The following HS2ST1 variants were observed in gnomAD, a reference collection of about 807,000 sequenced individuals.
The protein encoded by HS2ST1 is heparan sulfate 2-O-sulfotransferase 1.
A neutral mutation model predicts 42.9 loss-of-function variants in HS2ST1; 18 were observed. The observed-to-expected ratio is 0.42, with a 90% confidence interval of 0.29 to 0.62. The LOEUF (loss-of-function observed/expected upper bound fraction) is 0.62, where lower values mean the gene tolerates loss of function less well. HS2ST1 is among the 20% of genes least tolerant of loss of function. The pLI is 0.21. For missense variants in HS2ST1, 334 were observed against 433.8 expected, an observed-to-expected ratio of 0.77 and a Z score of 2.04; for synonymous variants, 146 against 152.9, an observed-to-expected ratio of 0.95 and a Z score of 0.33.
At chr1:86,931,048 T>G (rs1192620175) in intron 1 of HS2ST1, among the ~76,000 whole-genome samples, 2 of 152,018 alleles carry the variant, frequency 1.3e-5, no homozygotes, top group Non-Finnish European at 2.9e-5. Flanking sequence ...GTTACTTAAA[T>G]AAGAATGGTA....
chr1:86,971,310 A>G (rs1648226981), intron 1 of HS2ST1, among the ~76,000 whole-genome samples: 1 of 152,128 alleles, frequency 6.6e-6, no homozygotes, highest in African/African-American at 2.4e-5. Flanking sequence ...AAACAAAACA[A>G]AACAAAAAAA....
chr1:87,064,475 T>C, intron 1 of HS2ST1: 1 of 518,704 alleles, frequency 1.9e-6, no homozygotes, highest in Non-Finnish European at 3.9e-6. Flanking sequence ...CACTGTTAGC[T>C]CTTTTTTATA....
chr1:86,998,266 T>C (rs1444969437), intron 1 of HS2ST1, among the ~76,000 whole-genome samples: 2 of 152,226 alleles, frequency 1.3e-5, no homozygotes, highest in African/African-American at 2.4e-5. Flanking sequence ...GTACATTTAA[T>C]GCATGACCAA....
chr1:87,046,381 G>A, intron 1 of HS2ST1: 1 of 772,840 alleles, frequency 1.3e-6, no homozygotes, highest in Non-Finnish European at 2.4e-6. Flanking sequence ...TCCTGACAGA[G>A]CTGACCCTGA....
Position 87,106,644 on chromosome 1 carries a change from A to G in HS2ST1, c.*1948A>G, listed in dbSNP as rs1438942939. The stretch of plus-strand genomic sequence containing the variant: ...CTTAGCACCCTTTCCTCACAATAAT[A>G]TAAAAATATTAAAAGAACATAGGCA... On this transcript the variant is annotated 3_prime_UTR_variant, in exon 7 of 7. Coordinates refer to ENST00000370550, the MANE Select transcript of HS2ST1 (RefSeq NM_012262.4). 1 of 152,104 alleles carries G rather than the reference A, an allele frequency of 6.6e-6. No homozygotes were observed. The highest frequency in any genetic ancestry group is 1.5e-5 in the Non-Finnish European group (1 of 67,962). The allele number at this position is 152,104 out of a possible 1,614,324, so 9.4% of individuals were successfully genotyped here. A position where few individuals can be genotyped will look rare whatever the true frequency, so the allele number is the denominator to read the frequency against.
intron 1 of HS2ST1, chr1:86,993,023 C>G: frequency 6.4e-7 from 1 of 1,553,314 alleles, no homozygotes; most frequent in Non-Finnish European, 8.7e-7. Context: ...GGGAGGGTAC[C>G]TCTCACAGAA....
intron 1 of HS2ST1, among the ~76,000 whole-genome samples, chr1:87,063,539 G>A (rs891982022): frequency 6.6e-6 from 1 of 152,118 alleles, no homozygotes; most frequent in Non-Finnish European, 1.5e-5. Context: ...GTTTCACTCT[G>A]TTGGCCAGGC....
At chr1:87,011,766 C>T (rs1233904583) in intron 1 of HS2ST1, among the ~76,000 whole-genome samples, 2 of 152,150 alleles carry the variant, frequency 1.3e-5, no homozygotes, top group Non-Finnish European at 2.9e-5. Flanking sequence ...TATTTGGTAG[C>T]ACTACAGTCC....
rs889874090 is a variant in HS2ST1 at position 87,104,957 on chromosome 1, A to G, written c.*261A>G. On this transcript the variant is annotated 3_prime_UTR_variant, in exon 7 of 7. Transcript: ENST00000370550. ...GCCTGGGAGAAAATATACATCACCT[A>G]AAATGAACTTATGGCAGGTCTAATC... 27 of 370,390 alleles carry G rather than the reference A, an allele frequency of 7.3e-5. No homozygotes were observed. The highest frequency in any genetic ancestry group is 1.2e-4 in the Non-Finnish European group (24 of 205,230). 22.9% of individuals were successfully genotyped at this position (370,390 alleles called of 1,614,324 possible).
intron 2 of HS2ST1, among the ~76,000 whole-genome samples, chr1:87,080,906 A>G (rs1651669562): frequency 6.6e-6 from 1 of 152,194 alleles, no homozygotes; most frequent in Non-Finnish European, 1.5e-5. Flanking sequence ...TTAATCTTCC[A>G]TCTCAGCAGT....
chr1:87,081,612 T>G (rs1183529557), intron 2 of HS2ST1, among the ~76,000 whole-genome samples: 1 of 152,154 alleles, frequency 6.6e-6, no homozygotes, highest in Non-Finnish European at 1.5e-5. Flanking sequence ...AACAACCTAG[T>G]GTTGCATCTT....
intron 1 of HS2ST1, among the ~76,000 whole-genome samples, chr1:87,042,226 C>T (rs894301743): frequency 6.6e-6 from 1 of 152,002 alleles, no homozygotes; most frequent in Non-Finnish European, 1.5e-5. Flanking sequence ...CAGCTGTTAA[C>T]CCCTTATCAG....
At chr1:87,038,074 C>G (rs553183044) in intron 1 of HS2ST1, among the ~76,000 whole-genome samples, 2 of 152,050 alleles carry the variant, frequency 1.3e-5, no homozygotes, top group Admixed American at 6.5e-5. Context: ...TCATAAATGA[C>G]TGTAGACTCT....
intron 1 of HS2ST1, among the ~76,000 whole-genome samples, chr1:86,942,827 C>A (rs1660791075): frequency 6.6e-6 from 1 of 152,094 alleles, no homozygotes. Context: ...TCAACTCTTC[C>A]CCCAAATTAG....
rs895490349 is a variant in HS2ST1 at position 87,002,904 on chromosome 1, G to A, written c.125-70030G>A. ...TGGCTCTTGCAACTTTTTAGCAGTGGAACTATTTAATTAAAATCTGTCATA... is the reference window on the plus strand; with the variant it reads ...TGGCTCTTGCAACTTTTTAGCAGTGAAACTATTTAATTAAAATCTGTCATA... On this transcript the variant is annotated intron_variant, in intron 1 of 6. Coordinates refer to ENST00000370550, the MANE Select transcript of HS2ST1 (RefSeq NM_012262.4). Among the ~76,000 whole-genome samples, 8 of 152,094 alleles carry A rather than the reference G, an allele frequency of 5.3e-5. No individual in the cohort carries two copies. In the East Asian group the frequency reaches 5.8e-4, roughly 11 times the overall value.
intron 1 of HS2ST1, among the ~76,000 whole-genome samples, chr1:86,917,373 G>T (rs973796708): frequency 2.6e-5 from 4 of 152,102 alleles, no homozygotes; most frequent in Non-Finnish European, 5.9e-5. Context: ...ACAAAAATTA[G>T]TCGGGCGGGG....
intron 1 of HS2ST1, among the ~76,000 whole-genome samples, chr1:87,070,569 G>A (rs1651377214): frequency 6.6e-6 from 1 of 152,106 alleles, no homozygotes; most frequent in African/African-American, 2.4e-5. Context: ...TCCAGCCTGG[G>A]TGACAGAGTG....
At chr1:86,976,706 A>G (rs12119352) in intron 1 of HS2ST1, among the ~76,000 whole-genome samples, 26 of 116,134 alleles carry the variant, frequency 2.2e-4, no homozygotes, top group South Asian at 2.8e-4. Flanking sequence ...ATAAAATTGT[A>G]TATATATATA....
chr1:86,920,482 T>C (rs1400100308), intron 1 of HS2ST1, among the ~76,000 whole-genome samples: 1 of 148,576 alleles, frequency 6.7e-6, no homozygotes, highest in Admixed American at 6.6e-5. Context: ...AATACAGTTA[T>C]TCTAGAATTG....
Sources: gnomAD v4.1 joint callset for allele counts (sites outside exome capture counted in the v4.1 genomes callset) on GRCh38, gnomAD v4.1.1 for gene constraint, MANE v1.5 for transcripts, NCBI Gene and HGNC (gene_info 2026-07-23, HGNC 2026-07-21) for gene names.